Variants in SLC25A21 observed in about 807,000 individuals in gnomAD.
SLC25A21 encodes the protein mitochondrial 2-oxodicarboxylate carrier.
A neutral mutation model predicts 43.8 loss-of-function variants in SLC25A21; 47 were observed. The ratio of observed to expected loss-of-function variants is 1.07; its 90% CI spans 0.85 to 1.37. SLC25A21 has a LOEUF of 1.37. SLC25A21 is among the 40% of genes most tolerant of loss of function. The pLI, the probability that SLC25A21 is intolerant of heterozygous loss-of-function variation, is 0.00. For synonymous variants in SLC25A21, 131 were observed against 121.3 expected (o/e 1.08, Z -0.52); for missense variants, 352 against 350.2 (o/e 1.00, Z -0.04).
At chr14:36,851,595 G>GATT (rs1300674909) in intron 2 of SLC25A21, among the ~76,000 whole-genome samples, 2 of 152,162 alleles carry the variant, frequency 1.3e-5, no homozygotes, top group African/African-American at 2.4e-5. Flanking sequence ...TTAATCAATT[G>GATT]AATGTGGCTG....
chr14:36,728,588 T>C (rs1884691533), intron 5 of SLC25A21, among the ~76,000 whole-genome samples: 1 of 152,210 alleles, frequency 6.6e-6, no homozygotes, highest in Non-Finnish European at 1.5e-5. Context: ...CATTGCTTTG[T>C]TATAACAAAA....
At chr14:36,875,084 G>T in intron 1 of SLC25A21, 80 bp from the exon 2 acceptor site, 1 of 1,164,254 alleles carries the variant, frequency 8.6e-7, no homozygotes, top group Non-Finnish European at 1.3e-6. Context: ...GATTTCTCGA[G>T]TGTGAGGGTT....
intron 1 of SLC25A21, among the ~76,000 whole-genome samples, chr14:37,170,874 C>T (rs903962397): frequency 1.3e-5 from 2 of 151,026 alleles, no homozygotes; most frequent in African/African-American, 4.9e-5. Context: ...CACTTGAGCC[C>T]GGGAGGTTGA....
intron 1 of SLC25A21, among the ~76,000 whole-genome samples, chr14:37,120,078 A>G (rs950535148): frequency 2.0e-5 from 3 of 152,242 alleles, no homozygotes; most frequent in Admixed American, 6.5e-5. Flanking sequence ...CACCACAGAA[A>G]TAAAATAATC....
intron 1 of SLC25A21, among the ~76,000 whole-genome samples, chr14:37,091,358 T>C (rs1962582182): frequency 6.6e-6 from 1 of 151,058 alleles, no homozygotes; most frequent in Non-Finnish European, 1.5e-5. Context: ...CACTTGAACC[T>C]GAGAGGCAAA....
intron 3 of SLC25A21, among the ~76,000 whole-genome samples, chr14:36,756,266 C>T (rs1017697565): frequency 3.3e-5 from 5 of 152,172 alleles, no homozygotes; most frequent in African/African-American, 1.2e-4. Context: ...GAAGCTGGTG[C>T]CAGTTGGAGC....
intron 1 of SLC25A21, among the ~76,000 whole-genome samples, chr14:37,056,836 C>T (rs1961841460): frequency 6.6e-6 from 1 of 152,200 alleles, no homozygotes; most frequent in South Asian, 2.1e-4. Flanking sequence ...CCCATACAGA[C>T]TTCCAAAAAT....
At chr14:36,715,211 C>G (rs1434821246) in intron 6 of SLC25A21, among the ~76,000 whole-genome samples, 1 of 152,130 alleles carries the variant, frequency 6.6e-6, no homozygotes, top group Admixed American at 6.5e-5. Context: ...AAAACCAGAA[C>G]TCAATTGCCT....
intron 3 of SLC25A21, among the ~76,000 whole-genome samples, chr14:36,782,517 T>C (rs1427518015): frequency 3.9e-5 from 6 of 152,202 alleles, no homozygotes; most frequent in African/African-American, 1.4e-4. Context: ...TTGCTATCTT[T>C]GCATTTGAAG....
At chr14:36,796,285 A>G (rs1887666094) in intron 3 of SLC25A21, among the ~76,000 whole-genome samples, 1 of 152,188 alleles carries the variant, frequency 6.6e-6, no homozygotes, top group Non-Finnish European at 1.5e-5. Context: ...ATTAAGAATA[A>G]GTTAAATCTA....
chr14:37,053,827 C>G (rs1490092296), intron 1 of SLC25A21, among the ~76,000 whole-genome samples: 1 of 152,008 alleles, frequency 6.6e-6, no homozygotes, highest in Non-Finnish European at 1.5e-5. Flanking sequence ...TCACATTAGC[C>G]AAAGATAAGA....
rs368121257 is a variant in SLC25A21, at chr14:36,759,109, G to A, written c.204-24536C>T. Among the ~76,000 whole-genome samples, 27 of 152,262 alleles carry A rather than the reference G, an allele frequency of 1.8e-4. No individual in the cohort carries two copies. In the East Asian group the frequency reaches 2.3e-3, roughly 13 times the overall value. ...AGGCTCAGCATTTCATCAGTGACCTGCCAGCCCCTAATGCACAACTCTTGT... is the reference window on the plus strand; with the variant it reads ...AGGCTCAGCATTTCATCAGTGACCTACCAGCCCCTAATGCACAACTCTTGT... On this transcript the variant is annotated intron_variant, in intron 3 of 9. Coordinates refer to ENST00000331299, the MANE Select transcript of SLC25A21 (RefSeq NM_030631.4).
At chr14:36,729,443 T>C in intron 5 of SLC25A21, 64 bp downstream of exon 5, 2 of 1,268,292 alleles carry the variant, frequency 1.6e-6, no homozygotes, top group East Asian at 5.2e-5. Flanking sequence ...AAAGAGTTTT[T>C]GTTTCTAGAT....
chr14:36,961,174 A>G (rs1959483144), intron 1 of SLC25A21, among the ~76,000 whole-genome samples: 1 of 151,840 alleles, frequency 6.6e-6, no homozygotes, highest in African/African-American at 2.4e-5. Context: ...AAACTTAGGT[A>G]TCTATAGCTT....
intron 6 of SLC25A21, among the ~76,000 whole-genome samples, chr14:36,721,006 C>A (rs1884352828): frequency 6.6e-6 from 1 of 152,202 alleles, no homozygotes; most frequent in South Asian, 2.1e-4. Context: ...GTGCCCACAA[C>A]TGGAGTCAGC....
At chr14:37,153,870 G>A (rs1963801558) in intron 1 of SLC25A21, among the ~76,000 whole-genome samples, 1 of 152,128 alleles carries the variant, frequency 6.6e-6, no homozygotes, top group South Asian at 2.1e-4. Flanking sequence ...CCCACCTGCA[G>A]GACTGGAGAC....
chr14:36,835,699 C>T (rs945258410), intron 2 of SLC25A21, among the ~76,000 whole-genome samples: 65 of 152,198 alleles, frequency 4.3e-4, no homozygotes, highest in African/African-American at 2.4e-5. Context: ...GAAAATATAA[C>T]ATGTTCAGAG....
intron 3 of SLC25A21, among the ~76,000 whole-genome samples, chr14:36,764,079 A>AGAAAGAAAGAAAGAAAGAAGGAAAGAAG (rs1555326615): frequency 4.8e-5 from 2 of 41,850 alleles, no homozygotes; most frequent in Non-Finnish European, 3.7e-5. Flanking sequence ...AAAGAAAGAA[A>AGAAAGAAAGAAAGAAAGAAGGAAAGAAG]GAAGGAAGGA....
At chr14:37,102,733 C>A (rs570602653) in intron 1 of SLC25A21, among the ~76,000 whole-genome samples, 1 of 151,612 alleles carries the variant, frequency 6.6e-6, no homozygotes, top group Admixed American at 6.7e-5. Context: ...TACCTGTAAT[C>A]GCAGCACTTT....
Sources: gnomAD v4.1 joint callset for allele counts (sites outside exome capture counted in the v4.1 genomes callset) on GRCh38, gnomAD v4.1.1 for gene constraint, MANE v1.5 for transcripts, NCBI Gene and HGNC (gene_info 2026-07-23, HGNC 2026-07-21) for gene names.